Variants in KDM6B observed in about 807,000 individuals in gnomAD.
KDM6B encodes the protein lysine demethylase 6B.
A neutral mutation model predicts 150.4 loss-of-function variants in KDM6B; 22 were observed. That is an observed-to-expected ratio of 0.15 (90% CI 0.10 to 0.21). KDM6B has a LOEUF of 0.21. Among genes scored for constraint, KDM6B ranks in the 10% least tolerant of loss-of-function variants. The probability of loss-of-function intolerance (pLI) is 1.00; values close to 1 mark genes in which losing one functional copy is unlikely to be tolerated. For synonymous variants in KDM6B, 1,148 were observed against 921.1 expected (o/e 1.25, Z -4.46); for missense variants, 1,984 against 2,234.3 (o/e 0.89, Z 2.26).
In KDM6B at chr17:7,847,212, C is replaced by T; in HGVS notation, c.1017C>T (p.Pro339=). The T allele has an allele frequency of 6.3e-7, 1 of 1,598,328 alleles. No individual in the cohort carries two copies. ...CGGCTGCTCCCCCAGGCCCAGGCCC[C>T]CGCCCCCCAGGAGCAGAGAGCCATG... The part of the protein sequence containing the change: ...LVPAAPPGPG[P]RPPGAESHGC... Residue 339 remains proline, a synonymous_variant, in exon 11 of 24, where the codon CCC becomes CCT. Transcript: ENST00000448097.
intron 1 of KDM6B, among the ~76,000 whole-genome samples, chr17:7,838,900 A>G (rs1033579645): frequency 2.6e-5 from 4 of 151,264 alleles, no homozygotes; most frequent in Non-Finnish European, 4.4e-5. Flanking sequence ...CACAAATAGC[A>G]CCTCCCTGGG....
At chr17:7,850,597 G>C (rs561166423) in intron 14 of KDM6B, among the ~76,000 whole-genome samples, 1 of 152,308 alleles carries the variant, frequency 6.6e-6, no homozygotes, top group East Asian at 1.9e-4. Flanking sequence ...GTTATTTGAA[G>C]CACATTTCAG....
rs1483985578 is a variant in KDM6B, at chr17:7,845,658, C to T, written c.104C>T (p.Pro35Leu). ...GCCTGGAGCTCCTGCCCGCCTCATC[C>T]CCCTCCTCGTAGCGCATGGCTGCCT... Reference protein sequence around the residue: ...AGAWSSCPPHPPPRSAWLPGG... With the variant: ...AGAWSSCPPHLPPRSAWLPGG... Residue 35 changes from proline to leucine, a missense_variant, in exon 5 of 24, where the codon CCC (proline) becomes CTC (leucine). By Grantham distance (98) the Pro-to-Leu change is moderately conservative. This residue lies in a region of KDM6B where 337 missense variants were observed against 323.9 expected (regional missense o/e 1.04). Transcript: ENST00000448097. 2 of 1,614,012 alleles carry T rather than the reference C, an allele frequency of 1.2e-6. No individual in the cohort carries two copies. The highest frequency in any genetic ancestry group is 1.7e-6 in the Non-Finnish European group (2 of 1,180,022).
Position 7,848,446 on chromosome 17 carries a change from GC to G in KDM6B, c.2164del (p.Gln722AsnfsTer4), listed in dbSNP as rs748243814. ...ACAGCAACAACACGAAGCAGGCGTGGCCCCCCAACCCCCGCTGAAGGAGCCC... is the reference window on the plus strand; with the variant it reads ...ACAGCAACAACACGAAGCAGGCGTGGCCCCCAACCCCCGCTGAAGGAGCCC... ...EEQQQHEAGVAPQPPLKEPFA... is the reference protein window; with the variant it reads ...EEQQQHEAGVXPQPPLKEPFA... On this transcript the variant is annotated frameshift_variant, in exon 12 of 24. Coordinates refer to ENST00000448097, the MANE Select transcript of KDM6B (RefSeq NM_001348716.2). LOFTEE classifies it high-confidence loss of function. The G allele has an allele frequency of 6.2e-7, 1 of 1,612,456 alleles. No homozygotes were observed.
chr17:7,835,202 T>C (rs1343707097), intron 1 of KDM6B, among the ~76,000 whole-genome samples: 1 of 151,922 alleles, frequency 6.6e-6, no homozygotes, highest in Non-Finnish European at 1.5e-5. Flanking sequence ...GGCTGGGGAC[T>C]CAATCTCCGC....
At chr17:7,846,517 G>A in intron 8 of KDM6B, 25 bp downstream of exon 8, 1 of 1,614,044 alleles carries the variant, frequency 6.2e-7, no homozygotes, top group Non-Finnish European at 8.5e-7. Context: ...GGGTGGGTTA[G>A]GGAGGAGAGC....
chr17:7,846,859 TACCACCACCACCACCACCACCACCACC>T lies in KDM6B; in HGVS notation c.765_791del (p.Pro256_Pro264del). The T allele has an allele frequency of 8.2e-7, 1 of 1,214,732 alleles. No homozygotes were observed. Among genetic ancestry groups the T allele is most frequent in the Non-Finnish European group, 1.1e-6 (1 of 870,082 alleles). 75.2% of individuals were successfully genotyped at this position (1,214,732 alleles called of 1,614,324 possible). Reference sequence around the variant, plus strand: ...GGGCTGCCACTGCCTCCACCACCATTACCACCACCACCACCACCACCACCACCACCACCACCACCCCTGCCTGGCCTG... The same window carrying T: ...GGGCTGCCACTGCCTCCACCACCATTACCACCACCACCCCTGCCTGGCCTG... On this transcript the variant is annotated inframe_deletion, in exon 10 of 24. Coordinates refer to ENST00000448097, the MANE Select transcript of KDM6B (RefSeq NM_001348716.2).
At position 7,849,887 on chromosome 17, in the gene KDM6B, G is replaced by C. The variant is rs1245912076; in HGVS notation, c.3507G>C (p.Lys1169Asn). The change falls in exon 13 of 24, where the codon AAG becomes AAC. Residue 1169 changes from lysine (K) to asparagine (N), a missense_variant. Lys to Asn is a moderately conservative substitution (Grantham distance 94). Around this residue, in one of 13 missense-constraint regions of KDM6B, gnomAD observed 1,379 missense variants for 1,275.6 expected, o/e 1.08. Transcript: ENST00000448097. ...YLSPAQSVKP[K>N]INTEEKLPRE... ...CCCCTGCCCAGTCTGTGAAACCGAA[G>C]ATCAACACTGAGGAGAAGCTGCCCC... The C allele has an allele frequency of 3.1e-6, 5 of 1,613,498 alleles. No homozygotes were observed. The highest frequency in any genetic ancestry group is 4.2e-6 in the Non-Finnish European group (5 of 1,180,024).
At chr17:7,850,277 C>G (rs1238080513) in intron 14 of KDM6B, 100 bp downstream of exon 14, 1 of 924,496 alleles carries the variant, frequency 1.1e-6, no homozygotes, top group Admixed American at 2.2e-5. Context: ...TGACAGTGGC[C>G]GTGAGGAGTC....
In KDM6B at chr17:7,854,065, TTTTTTG is replaced by T. The variant is rs1406727676; in HGVS notation, c.*550_*555del. The T allele has an allele frequency of 6.6e-6, 1 of 152,520 alleles. No homozygotes were observed. The highest frequency in any genetic ancestry group is 2.4e-5 in the African/African-American group (1 of 41,434). 9.4% of individuals were successfully genotyped at this position (152,520 alleles called of 1,614,324 possible). A position where few individuals can be genotyped will look rare whatever the true frequency, so the allele number is the denominator to read the frequency against. ...TTTGTATTTTTTGTTCTTTTCTTGT[TTTTTTG>T]TTTTTAATTTATAACAGTCCCACTC... On this transcript the variant is annotated 3_prime_UTR_variant, in exon 24 of 24. Coordinates refer to ENST00000448097, the MANE Select transcript of KDM6B (RefSeq NM_001348716.2).
At chr17:7,853,419 A>C (rs1231681889) in intron 23 of KDM6B, 39 bp downstream of exon 23, 1 of 1,532,282 alleles carries the variant, frequency 6.5e-7, no homozygotes, top group Non-Finnish European at 8.7e-7. Flanking sequence ...GGAGGAGGGC[A>C]CTGGGGCAGG....
At chr17:7,850,977 TCC>T in intron 14 of KDM6B, 42 bp from the exon 15 acceptor site, 1 of 1,529,138 alleles carries the variant, frequency 6.5e-7, no homozygotes, top group Non-Finnish European at 8.9e-7. Flanking sequence ...TCGGTCCCTA[TCC>T]TCTGCCTCTG....
intron 9 of KDM6B, 35 bp downstream of exon 9, chr17:7,846,775 G>A (rs905153267): frequency 1.2e-6 from 2 of 1,613,734 alleles, no homozygotes; most frequent in Non-Finnish European, 1.7e-6. Flanking sequence ...GCAGTAAGTA[G>A]GCAGGACTTG....
intron 1 of KDM6B, among the ~76,000 whole-genome samples, chr17:7,835,046 T>G (rs1406135822): frequency 1.3e-5 from 2 of 151,106 alleles, no homozygotes; most frequent in Non-Finnish European, 3.0e-5. Flanking sequence ...CCAGGGCAGG[T>G]GGGGGATGTG....
Position 7,849,413 on chromosome 17 carries a change from C to T in KDM6B, c.3125C>T (p.Ser1042Phe). Reference protein sequence around the residue: ...EKSRPDLGGASKAKPPTAPAP... With the variant: ...EKSRPDLGGAFKAKPPTAPAP... ...TCCCGGCCCGATCTTGGCGGGGCCT[C>T]CAAGGCCAAGCCACCCACAGCTCCA... Residue 1042 changes from serine (S) to phenylalanine (F), a missense_variant, in exon 12 of 24, where the codon TCC becomes TTC. Ser to Phe is a radical substitution (Grantham distance 155). Coordinates refer to ENST00000448097, the MANE Select transcript of KDM6B (RefSeq NM_001348716.2). The T allele has an allele frequency of 6.2e-7, 1 of 1,611,838 alleles. No individual in the cohort carries two copies. Among genetic ancestry groups the T allele is most frequent in the Non-Finnish European group, 8.5e-7 (1 of 1,179,618 alleles).
In KDM6B at chr17:7,851,805, C is replaced by T. The variant is rs1383876667; in HGVS notation, c.4165+9C>T. On this transcript the variant is annotated intron_variant, in intron 18 of 23. Coordinates refer to ENST00000448097, the MANE Select transcript of KDM6B (RefSeq NM_001348716.2). ...CGGCAGCCGAACGCCAGGTGCGCTCCACGCCTGTGCGCGCTGATGCTGGAA... is the reference window on the plus strand; with the variant it reads ...CGGCAGCCGAACGCCAGGTGCGCTCTACGCCTGTGCGCGCTGATGCTGGAA... 2 of 1,555,738 alleles carry T rather than the reference C, an allele frequency of 1.3e-6. No individual in the cohort carries two copies. Among genetic ancestry groups the T allele is most frequent in the Middle Eastern group, 1.7e-4 (1 of 5,980 alleles).
At chr17:7,847,482 A>G in intron 11 of KDM6B, 30 bp downstream of exon 11, 1 of 1,613,072 alleles carries the variant, frequency 6.2e-7, no homozygotes, top group Non-Finnish European at 8.5e-7. Flanking sequence ...GGAGGGGGGG[A>G]TGGGTGGAGC....
Position 7,849,554 on chromosome 17 carries a change from T to TGCTGAA in KDM6B, c.3271_3276dup (p.Lys1091_Leu1092dup). ...CCACCGGGTGTCAGCCGGGCCGACA[T>TGCTGAA]GCTGAAGCTGCGCTCACTTAGTGAG... On this transcript the variant is annotated inframe_insertion, in exon 12 of 24. Transcript: ENST00000448097. 6.2e-7 allele frequency: 1 copy of TGCTGAA among 1,612,866 alleles called. No individual in the cohort carries two copies. Among genetic ancestry groups the TGCTGAA allele is most frequent in the Non-Finnish European group, 8.5e-7 (1 of 1,179,974 alleles).
Position 7,852,042 on chromosome 17 carries a change from G to A in KDM6B, c.4257G>A (p.Glu1419=). Residue 1419 remains glutamate (E), a synonymous_variant, in exon 19 of 24, where the codon GAG becomes GAA. Coordinates refer to ENST00000448097, the MANE Select transcript of KDM6B (RefSeq NM_001348716.2). ...EWFAVHEHYW[E]TISAFCDRHG... ...TCGCGGTGCACGAGCACTACTGGGA[G>A]ACCATCAGCGCTTTCTGTGATCGGT... The A allele has an allele frequency of 6.2e-7, 1 of 1,614,066 alleles. No homozygotes were observed. Among genetic ancestry groups the A allele is most frequent in the Non-Finnish European group, 8.5e-7 (1 of 1,180,010 alleles).
Sources: gnomAD v4.1 joint callset for allele counts (sites outside exome capture counted in the v4.1 genomes callset) on GRCh38, gnomAD v4.1.1 for gene constraint, gnomAD v4.1.1 regional missense constraint, MANE v1.5 for transcripts, NCBI Gene and HGNC (gene_info 2026-07-23, HGNC 2026-07-21) for gene names.